The following LINGO2 variants were observed in gnomAD, a reference collection of about 807,000 sequenced individuals.
The protein encoded by LINGO2 is leucine-rich repeat and immunoglobulin-like domain-containing nogo receptor-interacting protein 2.
In LINGO2, 14 loss-of-function variants were observed where a neutral mutation model predicts 30.6. The ratio of observed to expected loss-of-function variants is 0.46; its 90% confidence interval spans 0.30 to 0.72. LINGO2 has a LOEUF of 0.72. LINGO2 is among the 30% of genes least tolerant of loss of function. The probability of loss-of-function intolerance (pLI) is 0.07; values close to 1 mark genes in which losing one functional copy is unlikely to be tolerated. For synonymous variants in LINGO2, 317 were observed against 288.5 expected (o/e 1.10, Z -1.00); for missense variants, 729 against 751.7 (o/e 0.97, Z 0.35).
At chr9:29,044,152 A>AT in the LINGO2 span, among the ~76,000 whole-genome samples, 2 of 151,878 alleles carry the variant, frequency 1.3e-5, no homozygotes, top group Non-Finnish European at 2.9e-5. Flanking sequence ...ACCTCATGGG[A>AT]TTTTTTCTGA....
the LINGO2 span, among the ~76,000 whole-genome samples, chr9:28,754,165 G>A: frequency 7.2e-5 from 11 of 151,882 alleles, no homozygotes; most frequent in Non-Finnish European, 1.5e-4. Context: ...ACTATGTACT[G>A]TGTACTATTT....
the LINGO2 span, among the ~76,000 whole-genome samples, chr9:29,007,427 G>C: frequency 6.6e-6 from 1 of 152,032 alleles, no homozygotes; most frequent in Non-Finnish European, 1.5e-5. Flanking sequence ...CAATAGGATA[G>C]CAAATGTATT....
intron 1 of LINGO2, among the ~76,000 whole-genome samples, chr9:28,571,586 T>A (rs1328806490): frequency 4.6e-5 from 7 of 152,084 alleles, no homozygotes; most frequent in Non-Finnish European, 1.0e-4. Flanking sequence ...TTAAATAACT[T>A]GCATATGATT....
chr9:28,737,574 G>A, the LINGO2 span, among the ~76,000 whole-genome samples: 32 of 152,282 alleles, frequency 2.1e-4, no homozygotes, highest in Non-Finnish European at 4.1e-4. Flanking sequence ...GCACGGCAGA[G>A]CAAGTATTCT....
At chr9:28,700,865 C>A in the LINGO2 span, among the ~76,000 whole-genome samples, 3 of 152,008 alleles carry the variant, frequency 2.0e-5, no homozygotes, top group South Asian at 2.1e-4. Context: ...GTAGTGGTAA[C>A]TCCTTGTTGT....
the LINGO2 span, among the ~76,000 whole-genome samples, chr9:29,102,575 T>C: frequency 6.6e-6 from 1 of 152,164 alleles, no homozygotes; most frequent in South Asian, 2.1e-4. Flanking sequence ...TTTCATTTAA[T>C]TGAAAGTTCC....
chr9:28,301,142 G>C (rs1017154580), intron 3 of LINGO2, among the ~76,000 whole-genome samples: 3 of 152,010 alleles, frequency 2.0e-5, no homozygotes, highest in African/African-American at 7.2e-5. Flanking sequence ...GAGCCAGAGA[G>C]CCACAAATGG....
At chr9:28,397,383 A>G (rs1268054769) in intron 2 of LINGO2, among the ~76,000 whole-genome samples, 1 of 149,408 alleles carries the variant, frequency 6.7e-6, no homozygotes, top group Non-Finnish European at 1.5e-5. Flanking sequence ...ACATATATAT[A>G]TATACACACA....
chr9:29,198,569 G>A, the LINGO2 span, among the ~76,000 whole-genome samples: 1 of 152,132 alleles, frequency 6.6e-6, no homozygotes, highest in African/African-American at 2.4e-5. Context: ...TAAGACCAGT[G>A]TTGTAGGAGA....
intron 4 of LINGO2, among the ~76,000 whole-genome samples, chr9:28,217,459 T>G (rs926830412): frequency 6.6e-6 from 1 of 152,030 alleles, no homozygotes; most frequent in African/African-American, 2.4e-5. Flanking sequence ...TGTGCATGTG[T>G]TCTAAACATA....
chr9:28,779,475 C>T, the LINGO2 span, among the ~76,000 whole-genome samples: 2 of 151,998 alleles, frequency 1.3e-5, no homozygotes, highest in Admixed American at 6.6e-5. Flanking sequence ...TGTGTTTTCC[C>T]CTGAGGAGTA....
intron 5 of LINGO2, among the ~76,000 whole-genome samples, chr9:27,972,840 G>A (rs1157748895): frequency 6.6e-6 from 1 of 152,124 alleles, no homozygotes; most frequent in Non-Finnish European, 1.5e-5. Context: ...AAACATCTAA[G>A]AGATGCCAGG....
chr9:28,885,219 T>C, the LINGO2 span, among the ~76,000 whole-genome samples: 110,887 of 145,038 alleles, frequency 0.76, 42,817 homozygotes, highest in Non-Finnish European at 0.82. Context: ...ATTGCAACGG[T>C]GCCCCTTGTG....
At chr9:29,066,246 G>A in the LINGO2 span, among the ~76,000 whole-genome samples, 1 of 151,904 alleles carries the variant, frequency 6.6e-6, no homozygotes, top group African/African-American at 2.4e-5. Context: ...ACACTATAGA[G>A]AATTCAGTTA....
the LINGO2 span, among the ~76,000 whole-genome samples, chr9:29,072,739 C>T: frequency 6.6e-6 from 1 of 151,634 alleles, no homozygotes; most frequent in African/African-American, 2.4e-5. Context: ...CTTGTCTTCT[C>T]TTTCTTCTCT....
At chr9:28,380,892 C>T (rs1057207410) in intron 2 of LINGO2, among the ~76,000 whole-genome samples, 13 of 151,996 alleles carry the variant, frequency 8.6e-5, no homozygotes, top group Non-Finnish European at 1.2e-4. Flanking sequence ...ATGCTAGGTA[C>T]ATAGCAACTC....
intron 4 of LINGO2, among the ~76,000 whole-genome samples, chr9:28,126,676 A>G (rs1379713106): frequency 1.3e-5 from 2 of 152,254 alleles, no homozygotes; most frequent in Admixed American, 1.3e-4. Flanking sequence ...CAGTTGGTAG[A>G]GACTTGCAAT....
In LINGO2 at chr9:28,321,313, G is replaced by C. The variant is rs1334558225; in HGVS notation, c.-245-25947C>G. ...ATGTTGTCACAATAAGCCTCTATGG[G>C]ATCATTCAGCCCACAAGATATAACA... On this transcript the variant is annotated intron_variant, in intron 3 of 5. Coordinates refer to ENST00000379992, the Ensembl canonical transcript of LINGO2. Among the ~76,000 whole-genome samples the C allele has an allele frequency of 2.0e-5, 3 of 152,226 alleles. 1 individual carries two copies. The South Asian group carries it at 6.2e-4, about 32-fold the overall frequency.
the LINGO2 span, among the ~76,000 whole-genome samples, chr9:29,188,663 C>G: frequency 6.9e-6 from 1 of 143,894 alleles, no homozygotes; most frequent in Admixed American, 7.2e-5. Context: ...GGCAGAAGCG[C>G]CCCTCACCTC....
Sources: gnomAD v4.1 joint callset for allele counts (sites outside exome capture counted in the v4.1 genomes callset) on GRCh38, gnomAD v4.1.1 for gene constraint, MANE v1.5 for transcripts, NCBI Gene and HGNC (gene_info 2026-07-23, HGNC 2026-07-21) for gene names.